SLC22A4: variants seen among roughly 807,000 people sequenced by gnomAD.
SLC22A4 encodes ET transporter.
Under a neutral mutation model 56.6 loss-of-function variants are expected in SLC22A4, and 39 were observed. The observed-to-expected ratio is 0.69, with a 90% CI of 0.53 to 0.90. The LOEUF is 0.90. Ranked by LOEUF, SLC22A4 falls within the 40% of genes least tolerant of loss-of-function variation. The pLI, the probability that SLC22A4 is intolerant of heterozygous loss-of-function variation, is 0.00. For synonymous variants in SLC22A4, 241 were observed against 281.4 expected (o/e 0.86, Z 1.44); for missense variants, 594 against 696.5 (o/e 0.85, Z 1.66).
intron 7 of SLC22A4, 152 bp downstream of exon 7, chr5:132,335,084 T>C: frequency 2.9e-6 from 2 of 694,270 alleles, no homozygotes; most frequent in Non-Finnish European, 5.2e-6. Flanking sequence ...CGTATGTTGT[T>C]TCCTGTGTTC....
chr5:132,322,440 T>C, intron 4 of SLC22A4, 85 bp downstream of exon 4: 2 of 1,365,860 alleles, frequency 1.5e-6, no homozygotes, highest in South Asian at 1.2e-5. Context: ...TGACCTAGCC[T>C]GGGCTTGCAT....
At chr5:132,315,329 T>G (rs1055407890) in intron 3 of SLC22A4, among the ~76,000 whole-genome samples, 5 of 151,830 alleles carry the variant, frequency 3.3e-5, no homozygotes, top group African/African-American at 1.2e-4. Flanking sequence ...AACAGAAGGG[T>G]AGAGAGTCAC....
chr5:132,317,035 G>A (rs924524851), intron 3 of SLC22A4, among the ~76,000 whole-genome samples: 1 of 152,134 alleles, frequency 6.6e-6, no homozygotes, highest in Non-Finnish European at 1.5e-5. Flanking sequence ...GTCCTCACAT[G>A]GTCTTTCCTC....
chr5:132,340,613 T>C lies in SLC22A4; in HGVS notation c.1493T>C (p.Val498Ala), dbSNP rs753255483. The change falls in exon 9 of 10, where the codon GTC becomes GCC. Residue 498 changes from valine (V) to alanine (A), a missense_variant. Physicochemically the swap from Val to Ala is moderately conservative, Grantham distance 64 (BLOSUM62 0). Transcript: ENST00000200652. ...LPYIVMGSLT[V>A]LIGILTLFFP... ...TACATCGTCATGGGTAGTCTGACTG[T>C]CCTGATTGGAATCCTCACCCTTTTT... is the stretch of plus-strand genomic sequence containing the variant. 2 of 1,613,904 alleles carry C rather than the reference T, an allele frequency of 1.2e-6. No homozygotes were observed. The highest frequency in any genetic ancestry group is 1.7e-6 in the Non-Finnish European group (2 of 1,179,796).
chr5:132,341,364 G>A (rs1248174217), intron 9 of SLC22A4, among the ~76,000 whole-genome samples: 1 of 152,058 alleles, frequency 6.6e-6, no homozygotes, highest in East Asian at 1.9e-4. Flanking sequence ...GTTGCAGTGA[G>A]CCAACATCAT....
chr5:132,327,123 T>C (rs1426012803), intron 4 of SLC22A4, among the ~76,000 whole-genome samples, 154 bp from the exon 5 acceptor site: 1 of 152,236 alleles, frequency 6.6e-6, no homozygotes, highest in Non-Finnish European at 1.5e-5. Context: ...TGGTTTTATT[T>C]ATTCCTATGC....
Position 132,298,709 on chromosome 5 carries a change from G to C in SLC22A4, c.393+3700G>C, listed in dbSNP as rs921237132. Among the ~76,000 whole-genome samples, 10 of 152,342 alleles carry C rather than the reference G, an allele frequency of 6.6e-5. No homozygotes were observed. The South Asian group carries it at 2.1e-3, about 32-fold the overall frequency. ...GATAATGCCCCATGCCCCATCCGGT[G>C]GTGGCCAGCACAGAGTGTGGCACCA... On this transcript the variant is annotated intron_variant, in intron 1 of 9. Transcript: ENST00000200652.
intron 1 of SLC22A4, 95 bp downstream of exon 1, chr5:132,295,104 G>C (rs1270424549): frequency 3.7e-6 from 5 of 1,354,176 alleles, no homozygotes; most frequent in Non-Finnish European, 5.2e-6. Context: ...CCGGGTCAGC[G>C]CTCCCCTCCC....
At chr5:132,297,806 G>C (rs1749814182) in intron 1 of SLC22A4, among the ~76,000 whole-genome samples, 1 of 152,032 alleles carries the variant, frequency 6.6e-6, no homozygotes, top group African/African-American at 2.4e-5. Flanking sequence ...AAATTAGCCA[G>C]GCATGAGGGC....
At chr5:132,317,365 T>C (rs894161573) in intron 3 of SLC22A4, among the ~76,000 whole-genome samples, 1 of 152,238 alleles carries the variant, frequency 6.6e-6, no homozygotes, top group African/African-American at 2.4e-5. Context: ...CCCTCGCCCC[T>C]GGCAACCACT....
In SLC22A4 at chr5:132,312,204, C is replaced by G. The variant is rs760911652; in HGVS notation, c.437C>G (p.Thr146Ser). 4.3e-6 allele frequency: 7 copies of G among 1,613,756 alleles called. No individual in the cohort carries two copies. Among genetic ancestry groups the G allele is most frequent in the South Asian group, 2.2e-5 (2 of 91,086 alleles). Residue 146 changes from threonine to serine, a missense_variant, in exon 2 of 10, where the codon ACC becomes AGC. By Grantham distance (58) the Thr-to-Ser change is moderately conservative. Transcript: ENST00000200652. Reference protein sequence around the residue: ...CEDNWKVPLTTSLFFVGVLLG... With the variant: ...CEDNWKVPLTSSLFFVGVLLG... ...GACAACTGGAAGGTGCCCCTCACCA[C>G]CTCCCTGTTCTTCGTAGGCGTGCTC...
rs1374707896 is a variant in SLC22A4, at chr5:132,335,830, T to C, written c.1274T>C (p.Leu425Ser). The C allele has an allele frequency of 6.2e-7, 1 of 1,613,862 alleles. No individual in the cohort carries two copies. Among genetic ancestry groups the C allele is most frequent in the Non-Finnish European group, 8.5e-7 (1 of 1,179,724 alleles). The change falls in exon 8 of 10, where the codon TTA becomes TCA. Residue 425 changes from leucine (L) to serine (S), a missense_variant. By Grantham distance (145) the Leu-to-Ser change is moderately radical (BLOSUM62 -2). Coordinates refer to ENST00000200652, the MANE Select transcript of SLC22A4 (RefSeq NM_003059.3). ...IQLVPVDYYF[L>S]SIGLVMLGKF... The stretch of plus-strand genomic sequence containing the variant: ...GTCTCTTTTCCAGATTATTACTTCT[T>C]ATCCATTGGTCTGGTCATGCTGGGA...
chr5:132,341,840 G>A (rs977042317), intron 9 of SLC22A4, among the ~76,000 whole-genome samples: 10 of 151,890 alleles, frequency 6.6e-5, no homozygotes, highest in Non-Finnish European at 1.2e-4. Context: ...CCCAGCTCGC[G>A]GGAGGCTGAG....
intron 5 of SLC22A4, among the ~76,000 whole-genome samples, chr5:132,331,499 C>T (rs1750858437): frequency 6.6e-6 from 1 of 152,114 alleles, no homozygotes; most frequent in African/African-American, 2.4e-5. Flanking sequence ...TGTTAGCCAA[C>T]AGGCTTTGTC....
At chr5:132,319,323 A>G (rs1192280967) in intron 3 of SLC22A4, among the ~76,000 whole-genome samples, 3 of 151,922 alleles carry the variant, frequency 2.0e-5, no homozygotes, top group Admixed American at 6.5e-5. Context: ...AAAAAAGAAA[A>G]AAAAGAAAAA....
At chr5:132,340,100 G>C (rs1326915507) in intron 8 of SLC22A4, among the ~76,000 whole-genome samples, 1 of 113,864 alleles carries the variant, frequency 8.8e-6, no homozygotes, top group Admixed American at 1.2e-4. Flanking sequence ...GAGTCTCATA[G>C]CCCTGTGGAC....
At chr5:132,330,337 C>G (rs1440937160) in intron 5 of SLC22A4, among the ~76,000 whole-genome samples, 1 of 152,232 alleles carries the variant, frequency 6.6e-6, no homozygotes, top group African/African-American at 2.4e-5. Flanking sequence ...AGATTCCCCA[C>G]CTCAGAGCCT....
At chr5:132,335,306 G>C (rs1750987714) in intron 7 of SLC22A4, among the ~76,000 whole-genome samples, 2 of 152,134 alleles carry the variant, frequency 1.3e-5, no homozygotes, top group African/African-American at 4.8e-5. Flanking sequence ...TCGGTTCCAG[G>C]ATACATTCAG....
In SLC22A4 at chr5:132,313,746, C is replaced by T. The variant is rs143879161; in HGVS notation, c.630C>T (p.Asn210=). The change falls in exon 3 of 10, where the codon AAC becomes AAT. Residue 210 remains asparagine (N), a synonymous_variant. Transcript: ENST00000200652. ...FVIVGMGQIS[N]YVVAFILGTE... ...TCGTGGGCATGGGCCAGATCTCCAACTATGTGGTAGCCTTCATACTAGGTA... is the reference window on the plus strand; with the variant it reads ...TCGTGGGCATGGGCCAGATCTCCAATTATGTGGTAGCCTTCATACTAGGTA... The T allele has an allele frequency of 1.2e-6, 2 of 1,614,094 alleles. No individual in the cohort carries two copies. Among genetic ancestry groups the T allele is most frequent in the Admixed American group, 3.3e-5 (2 of 60,010 alleles).
Sources: allele counts gnomAD v4.1 joint callset (sites outside exome capture counted in the v4.1 genomes callset), GRCh38; gene constraint gnomAD v4.1.1; transcripts MANE v1.5; gene names NCBI Gene and HGNC (gene_info 2026-07-23, HGNC 2026-07-21).